TBC1D21: variants seen among roughly 807,000 people sequenced by gnomAD.
TBC1D21 encodes the protein TBC1 domain family member 21, also known as male germ cell Rab GTPase-activating protein.
Under a neutral mutation model 46.0 loss-of-function variants are expected in TBC1D21, and 38 were observed. The observed-to-expected ratio is 0.83, with a 90% CI of 0.64 to 1.08. The LOEUF (loss-of-function observed/expected upper bound fraction) is 1.08, where lower values mean the gene tolerates loss of function less well. Among genes scored for constraint, TBC1D21 ranks in the 50% least tolerant of loss-of-function variants. The pLI is 0.00. For synonymous variants in TBC1D21, 151 were observed against 157.2 expected (o/e 0.96, Z 0.29); for missense variants, 415 against 417.9 (o/e 0.99, Z 0.06).
chr15:73,902,118 A>G, the TBC1D21 span, among the ~76,000 whole-genome samples: 1 of 152,318 alleles, frequency 6.6e-6, no homozygotes, highest in Admixed American at 6.5e-5. Flanking sequence ...CCTGGCCAAG[A>G]TCCCTAACTT....
At chr15:73,901,923 C>T in the TBC1D21 span, among the ~76,000 whole-genome samples, 9 of 152,062 alleles carry the variant, frequency 5.9e-5, no homozygotes, top group African/African-American at 2.2e-4. Context: ...GCAATTCTCC[C>T]ACCTCAGCCT....
chr15:73,899,260 C>G, the TBC1D21 span, among the ~76,000 whole-genome samples: 1 of 152,224 alleles, frequency 6.6e-6, no homozygotes, highest in African/African-American at 2.4e-5. Flanking sequence ...GAGCCTTGCT[C>G]CATGGCCCCT....
At chr15:73,896,223 T>C in the TBC1D21 span, among the ~76,000 whole-genome samples, 1 of 152,006 alleles carries the variant, frequency 6.6e-6, no homozygotes, top group Admixed American at 6.6e-5. Flanking sequence ...TGATACTGGA[T>C]GTGATTCTGC....
Position 73,884,191 on chromosome 15 carries a change from C to T in TBC1D21, c.313C>T (p.Gln105Ter), listed in dbSNP as rs1229002199. Residue 105 changes from glutamine to a stop codon, truncating the protein, a stop_gained, in exon 4 of 11, where the codon CAG (glutamine) becomes TAG (stop). Coordinates refer to ENST00000300504, the MANE Select transcript of TBC1D21 (RefSeq NM_153356.3). LOFTEE classifies it high-confidence loss of function. ...KALCQMYEKI[Q>*]PLLENLHRNF... Reference sequence around the variant, plus strand: ...CTTATGCCAAATGTATGAGAAGATTCAGCCCCTTCTGGAAAACCTGCACCG... The same window carrying T: ...CTTATGCCAAATGTATGAGAAGATTTAGCCCCTTCTGGAAAACCTGCACCG... 5 of 1,614,254 alleles carry T rather than the reference C, an allele frequency of 3.1e-6. No individual in the cohort carries two copies. In the East Asian group the frequency reaches 8.9e-5, roughly 29 times the overall value.
intron 10 of TBC1D21, 35 bp from the exon 11 acceptor site, chr15:73,889,034 A>G (rs750697962): frequency 1.9e-6 from 3 of 1,611,364 alleles, no homozygotes; most frequent in South Asian, 1.1e-5. Flanking sequence ...GGGACAGACC[A>G]ATGTCTGTGC....
chr15:73,877,514 TAAAAAAAAAAAA>T (rs541803630), intron 1 of TBC1D21, among the ~76,000 whole-genome samples: 1,532 of 72,648 alleles, frequency 0.021, 4 homozygotes, highest in African/African-American at 0.08. Context: ...TCCAGAAAAC[TAAAAAAAAAAAA>T]AAAAAAAAAA....
chr15:73,896,467 C>T, the TBC1D21 span, among the ~76,000 whole-genome samples: 1 of 151,220 alleles, frequency 6.6e-6, no homozygotes, highest in African/African-American at 2.4e-5. Context: ...ATTGTAGTGA[C>T]CAGTATGAGA....
At chr15:73,896,521 G>A in the TBC1D21 span, among the ~76,000 whole-genome samples, 17,603 of 151,826 alleles carry the variant, frequency 0.12, 1,339 homozygotes, top group South Asian at 0.21. Context: ...GATGATGGTG[G>A]GGGGAGTTGG....
At chr15:73,885,787 A>T (rs1175324982) in intron 6 of TBC1D21, among the ~76,000 whole-genome samples, 1 of 150,336 alleles carries the variant, frequency 6.7e-6, no homozygotes, top group Non-Finnish European at 1.5e-5. Context: ...ACTGTGAGCC[A>T]CAGTTGAGAA....
intron 1 of TBC1D21, 139 bp downstream of exon 1, chr15:73,873,908 CT>C: frequency 2.1e-6 from 2 of 947,978 alleles, no homozygotes; most frequent in Non-Finnish European, 1.6e-6. Context: ...GTACCTTACT[CT>C]TACCATCAGC....
Position 73,884,823 on chromosome 15 carries a change from A to G in TBC1D21, c.410A>G (p.Asn137Ser). The change falls in exon 5 of 11, where the codon AAC becomes AGC. Residue 137 changes from asparagine (N) to serine (S), a missense_variant. Physicochemically the swap from Asn to Ser is conservative, Grantham distance 46. Coordinates refer to ENST00000300504, the MANE Select transcript of TBC1D21 (RefSeq NM_153356.3). ...QKIYDKDPLG[N>S]VLIDKKRLEK... is the part of the protein sequence containing the mutation. ...ATCTATGACAAAGATCCCCTGGGCA[A>G]CGTCCTCATCGACAAGAAGAGGCTA... The G allele has an allele frequency of 6.2e-7, 1 of 1,614,158 alleles. No individual in the cohort carries two copies. The highest frequency in any genetic ancestry group is 1.7e-5 in the Admixed American group (1 of 60,018).
In TBC1D21 at chr15:73,881,763, C is replaced by A. The variant is rs778461557; in HGVS notation, c.272+16C>A. The A allele has an allele frequency of 6.2e-7, 1 of 1,610,588 alleles. No homozygotes were observed. Among genetic ancestry groups the A allele is most frequent in the South Asian group, 1.1e-5 (1 of 90,922 alleles). On this transcript the variant is annotated intron_variant, in intron 3 of 10. Transcript: ENST00000300504. ...GCATGAGGAGGTAGAACACTCCAGA[C>A]CCTGCTGGGACAGGAGGGGGGCCTG...
chr15:73,875,390 G>C (rs996183964), intron 1 of TBC1D21, among the ~76,000 whole-genome samples: 2 of 152,120 alleles, frequency 1.3e-5, no homozygotes, highest in Admixed American at 1.3e-4. Context: ...TTTATTGGAG[G>C]TTCTGTGGCT....
downstream of TBC1D21, among the ~76,000 whole-genome samples, chr15:73,893,293 C>T (rs564022726): frequency 6.6e-6 from 1 of 152,182 alleles, no homozygotes; most frequent in African/African-American, 2.4e-5. Context: ...AACTAGTGCC[C>T]AGCACACTTC....
rs761051787 is a variant in TBC1D21 at position 73,887,707 on chromosome 15, G to A, written c.865G>A (p.Glu289Lys). ...LQMVREQVLQ[E>K]SMGGDDILLA... ...GATGGTGCGGGAGCAGGTGCTGCAG[G>A]AAAGCATGGGCGGGGATGACATCCT... Residue 289 changes from glutamate to lysine, a missense_variant, in exon 9 of 11, where the codon GAA (glutamate) becomes AAA (lysine). Transcript: ENST00000300504. The A allele has an allele frequency of 2.9e-5, 46 of 1,613,754 alleles. No individual in the cohort carries two copies. In the Middle Eastern group the frequency reaches 6.6e-4, roughly 23 times the overall value.
chr15:73,900,633 ATC>A, the TBC1D21 span, among the ~76,000 whole-genome samples: 1 of 152,118 alleles, frequency 6.6e-6, no homozygotes, highest in South Asian at 2.1e-4. Context: ...GCCTGCATAC[ATC>A]TCTCTCCTGG....
At chr15:73,907,787 T>A in the TBC1D21 span, among the ~76,000 whole-genome samples, 8 of 152,180 alleles carry the variant, frequency 5.3e-5, no homozygotes, top group African/African-American at 1.4e-4. Flanking sequence ...ATAGTCTCAA[T>A]TTGTTGGGGT....
At chr15:73,886,706 C>T (rs1185309838) in intron 8 of TBC1D21, 94 bp downstream of exon 8, 1 of 1,219,614 alleles carries the variant, frequency 8.2e-7, no homozygotes, top group African/African-American at 1.5e-5. Context: ...TTCTTCCTGG[C>T]TTGGATGGAG....
chr15:73,907,743 G>A, the TBC1D21 span, among the ~76,000 whole-genome samples: 2 of 152,126 alleles, frequency 1.3e-5, no homozygotes, highest in Non-Finnish European at 2.9e-5. Flanking sequence ...TTACTTTTAA[G>A]AAAGATTTTT....
Sources: allele counts gnomAD v4.1 joint callset (sites outside exome capture counted in the v4.1 genomes callset), GRCh38; gene constraint gnomAD v4.1.1; transcripts MANE v1.5; gene names NCBI Gene and HGNC (gene_info 2026-07-23, HGNC 2026-07-21).